Variants in CDKL3 observed in about 807,000 individuals in gnomAD.
The protein encoded by CDKL3 is cyclin dependent kinase like 3, also known as cyclin-dependent kinase-like 3.
Under a neutral mutation model 69.3 loss-of-function variants are expected in CDKL3, and 65 were observed. The observed-to-expected ratio is 0.94, with a 90% confidence interval of 0.77 to 1.15. The LOEUF (loss-of-function observed/expected upper bound fraction) is 1.15, where lower values mean the gene tolerates loss of function less well. Among genes scored for constraint, CDKL3 ranks in the 50% most tolerant of loss-of-function variants. The probability of loss-of-function intolerance (pLI) is 0.00; values close to 1 mark genes in which losing one functional copy is unlikely to be tolerated. For synonymous variants in CDKL3, 202 were observed against 221.6 expected (o/e 0.91, Z 0.79); for missense variants, 652 against 689.2 (o/e 0.95, Z 0.61).
At chr5:134,363,725 T>TGCTA (rs988493087) in intron 2 of CDKL3, among the ~76,000 whole-genome samples, 11 of 152,124 alleles carry the variant, frequency 7.2e-5, no homozygotes, top group Admixed American at 3.3e-4. Context: ...CCTCCCAAAG[T>TGCTA]GCTAGGATTA....
In CDKL3 at chr5:134,360,159, T is replaced by C. The variant is rs923915036; in HGVS notation, c.166-68A>G. 6.7e-6 allele frequency: 7 copies of C among 1,042,180 alleles called. No homozygotes were observed. The African/African-American group carries it at 9.8e-5, about 15-fold the overall frequency. The allele number at this position is 1,042,180 out of a possible 1,614,324, so 64.6% of individuals were successfully genotyped here. A position where few individuals can be genotyped will look rare whatever the true frequency, so the allele number is the denominator to read the frequency against. On this transcript the variant is annotated intron_variant, in intron 2 of 12. Transcript: ENST00000265334. ...CCTAACAATTTGTACATATAACGTG[T>C]AAATTTTGTAAAGAAACAGTCATAT...
chr5:134,358,051 T>A (rs546741426), intron 3 of CDKL3, among the ~76,000 whole-genome samples: 1 of 152,136 alleles, frequency 6.6e-6, no homozygotes, highest in Non-Finnish European at 1.5e-5. Context: ...TGCACTCCCA[T>A]CTGGGCAACA....
chr5:134,360,514 T>G (rs891540874), intron 2 of CDKL3, among the ~76,000 whole-genome samples: 4 of 152,250 alleles, frequency 2.6e-5, no homozygotes, highest in Non-Finnish European at 4.4e-5. Flanking sequence ...CTATGTTCCA[T>G]GCATTTCAAC....
At chr5:134,360,742 T>G (rs1229972938) in intron 2 of CDKL3, among the ~76,000 whole-genome samples, 2 of 152,178 alleles carry the variant, frequency 1.3e-5, no homozygotes, top group Non-Finnish European at 2.9e-5. Context: ...CACCCAAAAT[T>G]TAAAAGGCCC....
At chr5:134,362,218 C>A (rs776548435) in intron 2 of CDKL3, among the ~76,000 whole-genome samples, 2 of 152,112 alleles carry the variant, frequency 1.3e-5, no homozygotes, top group Non-Finnish European at 2.9e-5. Flanking sequence ...TAATGAAATT[C>A]TAGCATAAAA....
chr5:134,308,264 G>C lies in CDKL3; in HGVS notation c.1238C>G (p.Thr413Ser). ...IEPPNPINPS[T>S]NCNGLKENPH... ...ATTTTCTTTCAAGCCATTACAGTTAGTGCTGGGATTGATAGGGTTTGGTGG... is the reference window on the plus strand; with the variant it reads ...ATTTTCTTTCAAGCCATTACAGTTACTGCTGGGATTGATAGGGTTTGGTGG... The change falls in exon 9 of 13, where the codon ACT (threonine) becomes AGT (serine). Residue 413 changes from threonine to serine, a missense_variant. Physicochemically the swap from Thr to Ser is moderately conservative, Grantham distance 58 (BLOSUM62 1). Coordinates refer to ENST00000265334, the MANE Select transcript of CDKL3 (RefSeq NM_001113575.2). The C allele has an allele frequency of 6.2e-7, 1 of 1,613,946 alleles. No homozygotes were observed. Among genetic ancestry groups the C allele is most frequent in the South Asian group, 1.1e-5 (1 of 91,076 alleles).
chr5:134,303,842 C>T (rs917843327), intron 11 of CDKL3, among the ~76,000 whole-genome samples: 7 of 151,890 alleles, frequency 4.6e-5, no homozygotes, highest in African/African-American at 1.7e-4. Context: ...GAGTGAGACT[C>T]TGTCTTAAAT....
chr5:134,317,741 A>G (rs1561539995), intron 6 of CDKL3, among the ~76,000 whole-genome samples: 1 of 152,162 alleles, frequency 6.6e-6, no homozygotes, highest in Non-Finnish European at 1.5e-5. Flanking sequence ...AGCCTGGGCA[A>G]CATGGAGAAA....
At position 134,326,866 on chromosome 5, in the gene CDKL3, T is replaced by TAC. The variant is rs1219130463; in HGVS notation, c.540-4965_540-4964dup. Reference sequence around the variant, plus strand: ...ATATATATATATATATATATATATATACACACACACACATAGTCCTTATAG... The same window carrying TAC: ...ATATATATATATATATATATATATATACACACACACACACATAGTCCTTATAG... On this transcript the variant is annotated intron_variant, in intron 4 of 12. Transcript: ENST00000265334. Among the ~76,000 whole-genome samples, 237 of 98,174 alleles carry TAC rather than the reference T, an allele frequency of 2.4e-3. 1 individual carries two copies. The highest frequency in any genetic ancestry group is 9.2e-3 in the South Asian group (31 of 3,384). 64.4% of individuals were successfully genotyped at this position (98,174 alleles called of 152,430 possible).
At chr5:134,289,688 T>G (rs1243678414) in intron 8 of CDKL3, among the ~76,000 whole-genome samples, 3 of 152,156 alleles carry the variant, frequency 2.0e-5, no homozygotes, top group African/African-American at 7.2e-5. Context: ...AGAGGGTGAC[T>G]CCAGCTCTTG....
Position 134,311,078 on chromosome 5 carries a change from C to G in CDKL3, c.881+1214G>C, listed in dbSNP as rs1440367005. 2.0e-5 allele frequency among the ~76,000 whole-genome samples: 3 copies of G among 152,172 alleles called. 1 individual carries two copies. The highest frequency in any genetic ancestry group is 1.3e-4 in the Admixed American group (2 of 15,278). Reference sequence around the variant, plus strand: ...AAATGGTGTTTTTTTAGAAATATGGCTGATTCATGAATCTAAATTGTAATA... The same window carrying G: ...AAATGGTGTTTTTTTAGAAATATGGGTGATTCATGAATCTAAATTGTAATA... On this transcript the variant is annotated intron_variant, in intron 7 of 12. Transcript: ENST00000265334.
chr5:134,370,821 A>G (rs528818560), upstream of CDKL3, among the ~76,000 whole-genome samples: 11 of 152,302 alleles, frequency 7.2e-5, no homozygotes, highest in Admixed American at 3.3e-4. Flanking sequence ...ACCAGAGTTA[A>G]TAAGCCACTG....
intron 8 of CDKL3, among the ~76,000 whole-genome samples, chr5:134,290,775 G>C (rs550531388): frequency 6.6e-6 from 1 of 152,082 alleles, no homozygotes; most frequent in East Asian, 1.9e-4. Flanking sequence ...GGCCTCAAGG[G>C]ATCCTCTTAC....
At chr5:134,314,581 T>A (rs1770501841) in intron 6 of CDKL3, among the ~76,000 whole-genome samples, 1 of 152,170 alleles carries the variant, frequency 6.6e-6, no homozygotes, top group Non-Finnish European at 1.5e-5. Flanking sequence ...AAGGATTTTT[T>A]AAAATGTGGT....
At chr5:134,360,551 A>C (rs1755769201) in intron 2 of CDKL3, among the ~76,000 whole-genome samples, 1 of 152,214 alleles carries the variant, frequency 6.6e-6, no homozygotes, top group Non-Finnish European at 1.5e-5. Context: ...ATGTGCTTCC[A>C]TTCCTATTTT....
chr5:134,315,799 C>T (rs547889274), intron 6 of CDKL3, among the ~76,000 whole-genome samples: 18 of 152,098 alleles, frequency 1.2e-4, no homozygotes, highest in African/African-American at 4.3e-4. Context: ...CTAGCCTGGG[C>T]AACATAGCAA....
chr5:134,362,444 G>A (rs934050250), intron 2 of CDKL3, among the ~76,000 whole-genome samples: 5 of 152,064 alleles, frequency 3.3e-5, no homozygotes, highest in African/African-American at 4.8e-5. Flanking sequence ...GCTTGAACCC[G>A]GGAGGCCGAG....
rs1236307099 is a variant in CDKL3, at chr5:134,366,417, T to C, written c.107A>G (p.Tyr36Cys). Residue 36 changes from tyrosine (Y) to cysteine (C), a missense_variant, in exon 2 of 13, where the codon TAT becomes TGT. Physicochemically the swap from Tyr to Cys is radical, Grantham distance 194. Coordinates refer to ENST00000265334, the MANE Select transcript of CDKL3 (RefSeq NM_001113575.2). Reference sequence around the variant, plus strand: ...GTTGACAGATTGTTCTGGTCTCTCATAAAATATCTTAATGGCCACTATCTG... The same window carrying C: ...GTTGACAGATTGTTCTGGTCTCTCACAAAATATCTTAATGGCCACTATCTG... ...TGQIVAIKIFYERPEQSVNKI... is the reference protein window; with the variant it reads ...TGQIVAIKIFCERPEQSVNKI... 3.1e-6 allele frequency: 5 copies of C among 1,602,302 alleles called. No individual in the cohort carries two copies. The highest frequency in any genetic ancestry group is 4.3e-6 in the Non-Finnish European group (5 of 1,174,434).
intron 12 of CDKL3, among the ~76,000 whole-genome samples, chr5:134,300,925 G>A (rs1766141242): frequency 6.6e-6 from 1 of 152,000 alleles, no homozygotes; most frequent in South Asian, 2.1e-4. Context: ...TGTGACATGA[G>A]TATGTCACCC....
Sources: allele counts gnomAD v4.1 joint callset (sites outside exome capture counted in the v4.1 genomes callset), GRCh38; gene constraint gnomAD v4.1.1; transcripts MANE v1.5; gene names NCBI Gene and HGNC (gene_info 2026-07-23, HGNC 2026-07-21).